PTPRQ: variants seen among roughly 807,000 people sequenced by gnomAD.
PTPRQ encodes the protein phosphatidylinositol phosphatase PTPRQ.
In PTPRQ, 199 loss-of-function variants were observed where a neutral mutation model predicts 246.0. That is an observed-to-expected ratio of 0.81 (90% CI 0.72 to 0.91). PTPRQ has a LOEUF of 0.91. Ranked by LOEUF, PTPRQ falls within the 40% of genes least tolerant of loss-of-function variation. The pLI, the probability that PTPRQ is intolerant of heterozygous loss-of-function variation, is 0.00. For synonymous variants in PTPRQ, 869 were observed against 853.2 expected (o/e 1.02, Z -0.32); for missense variants, 2,624 against 2,528.4 (o/e 1.04, Z -0.81).
Position 80,673,232 on chromosome 12 carries a change from C to G in PTPRQ, c.6666C>G (p.Asp2222Glu). ...ACCATTTAACACAACATATAAATGACCATGATTTTGTGGATATATATGGAC... is the reference window on the plus strand; with the variant it reads ...ACCATTTAACACAACATATAAATGAGCATGATTTTGTGGATATATATGGAC... ...ALDHLTQHIN[D>E]HDFVDIYGLV... Residue 2222 changes from aspartate (D) to glutamate (E), a missense_variant, in exon 43 of 45, where the codon GAC becomes GAG. Asp to Glu is a conservative substitution (Grantham distance 45, BLOSUM62 2). Transcript: ENST00000644991. 6.4e-7 allele frequency: 1 copy of G among 1,550,796 alleles called. No individual in the cohort carries two copies. Among genetic ancestry groups the G allele is most frequent in the East Asian group, 2.4e-5 (1 of 40,882 alleles).
intron 25 of PTPRQ, among the ~76,000 whole-genome samples, chr12:80,582,937 T>C (rs1177717383): frequency 6.6e-6 from 1 of 152,208 alleles, no homozygotes; most frequent in Non-Finnish European, 1.5e-5. Flanking sequence ...CTAAAAGTCA[T>C]ATATTTGGTT....
intron 18 of PTPRQ, among the ~76,000 whole-genome samples, chr12:80,534,651 C>T (rs893109734): frequency 5.3e-5 from 8 of 151,850 alleles, no homozygotes; most frequent in East Asian, 3.9e-4. Flanking sequence ...GGTTTTAGAA[C>T]GGAGATAGTA....
chr12:80,649,422 A>C (rs1900182858), intron 36 of PTPRQ, among the ~76,000 whole-genome samples, 166 bp from the exon 37 acceptor site: 1 of 152,176 alleles, frequency 6.6e-6, no homozygotes, highest in Admixed American at 6.6e-5. Flanking sequence ...TAAAGAAGAA[A>C]AGTTAATTTT....
intron 19 of PTPRQ, among the ~76,000 whole-genome samples, chr12:80,537,980 GC>G (rs1158871438): frequency 6.6e-6 from 1 of 152,022 alleles, no homozygotes; most frequent in Non-Finnish European, 1.5e-5. Flanking sequence ...ATGGTGGCAG[GC>G]TCCTGTAGTC....
intron 26 of PTPRQ, among the ~76,000 whole-genome samples, chr12:80,588,960 T>A (rs1020031882): frequency 6.6e-6 from 1 of 152,172 alleles, no homozygotes; most frequent in Non-Finnish European, 1.5e-5. Context: ...CAAAGAAATA[T>A]CAAGCATTCA....
Position 80,445,639 on chromosome 12 carries a change from T to C in PTPRQ, c.312T>C (p.Tyr104=), listed in dbSNP as rs2120384364. The C allele has an allele frequency of 1.3e-6, 2 of 1,550,214 alleles. No homozygotes were observed. Among genetic ancestry groups the C allele is most frequent in the Non-Finnish European group, 8.7e-7 (1 of 1,145,914 alleles). The change falls in exon 3 of 45, where the codon TAT becomes TAC. Residue 104 remains tyrosine (Y), a synonymous_variant. Transcript: ENST00000644991. ...KEVCPWMQTV[Y]TQVRSKPDSL... ...TTTGTCCGTGGATGCAAACAGTATA[T>C]ACACAAGTCAGATCAAAGCCAGACA...
At chr12:80,618,428 C>T (rs1898850550) in intron 30 of PTPRQ, among the ~76,000 whole-genome samples, 1 of 148,244 alleles carries the variant, frequency 6.7e-6, no homozygotes, top group African/African-American at 2.5e-5. Flanking sequence ...CCAAATGAAA[C>T]AAGCAGAGCT....
intron 35 of PTPRQ, among the ~76,000 whole-genome samples, chr12:80,646,106 C>T (rs1388506412): frequency 6.6e-6 from 1 of 151,974 alleles, no homozygotes; most frequent in Non-Finnish European, 1.5e-5. Flanking sequence ...AAATCCCTTC[C>T]TTATATCAGT....
rs1289924335 is a variant in PTPRQ, at chr12:80,541,551, A to G, written c.3155-4A>G. On this transcript the variant is annotated splice_region_variant and splice_polypyrimidine_tract_variant and intron_variant, in intron 20 of 44. Transcript: ENST00000644991. ...TTTTGTATTTTGCCCATTACCTATCATAGTACCTGAAGGGTTTGTTGGAAA... is the reference window on the plus strand; with the variant it reads ...TTTTGTATTTTGCCCATTACCTATCGTAGTACCTGAAGGGTTTGTTGGAAA... The G allele has an allele frequency of 1.3e-6, 2 of 1,491,098 alleles. No homozygotes were observed. Among genetic ancestry groups the G allele is most frequent in the East Asian group, 2.5e-5 (1 of 40,396 alleles). 92.4% of individuals were successfully genotyped at this position (1,491,098 alleles called of 1,614,324 possible).
At chr12:80,458,427 G>A (rs1196998346) in intron 4 of PTPRQ, among the ~76,000 whole-genome samples, 1 of 151,940 alleles carries the variant, frequency 6.6e-6, no homozygotes, top group Non-Finnish European at 1.5e-5. Context: ...ACTTTCTTAT[G>A]TAATTTATGT....
intron 14 of PTPRQ, among the ~76,000 whole-genome samples, chr12:80,504,779 T>C (rs1894903053): frequency 6.6e-6 from 1 of 151,918 alleles, no homozygotes; most frequent in Non-Finnish European, 1.5e-5. Context: ...TTAGTCAACA[T>C]ATGATCATAG....
At chr12:80,449,849 G>A (rs1448277990) in intron 3 of PTPRQ, among the ~76,000 whole-genome samples, 1 of 152,114 alleles carries the variant, frequency 6.6e-6, no homozygotes, top group East Asian at 1.9e-4. Context: ...GGATTGACTT[G>A]GCGATGTGGG....
intron 25 of PTPRQ, among the ~76,000 whole-genome samples, chr12:80,578,056 T>C (rs1344369987): frequency 1.3e-5 from 2 of 152,088 alleles, no homozygotes; most frequent in Non-Finnish European, 2.9e-5. Flanking sequence ...AATTTTTTTT[T>C]TTGGATTTTT....
chr12:80,445,439 G>A, intron 2 of PTPRQ, 52 bp from the exon 3 acceptor site: 1 of 1,152,230 alleles, frequency 8.7e-7, no homozygotes, highest in Non-Finnish European at 1.2e-6. Flanking sequence ...GTATTTTTGT[G>A]AAAATGCAAT....
chr12:80,533,588 C>T (rs1410308887), intron 17 of PTPRQ, among the ~76,000 whole-genome samples: 1 of 151,822 alleles, frequency 6.6e-6, no homozygotes, highest in East Asian at 1.9e-4. Flanking sequence ...GTAAATGTTA[C>T]TTTTGTACGA....
rs571275898 is a variant in PTPRQ, at chr12:80,646,753, GA to G, written c.5916-2134del. 9.0e-4 allele frequency among the ~76,000 whole-genome samples: 133 copies of G among 147,008 alleles called. 1 individual carries two copies. The South Asian group carries it at 0.016, about 17-fold the overall frequency. ...TAAATTTACGATGATGTATTTCTGC[GA>G]AAAAAAAAATCTTTAGGGAGAGATT... On this transcript the variant is annotated intron_variant, in intron 35 of 44. Coordinates refer to ENST00000644991, the MANE Select transcript of PTPRQ (RefSeq NM_001145026.2).
intron 19 of PTPRQ, among the ~76,000 whole-genome samples, chr12:80,537,180 G>GAAGTT (rs1421290386): frequency 6.6e-6 from 1 of 152,190 alleles, no homozygotes; most frequent in African/African-American, 2.4e-5. Context: ...CATATTGCTT[G>GAAGTT]AAGTTTATCC....
At chr12:80,542,585 A>G (rs1406662177) in intron 22 of PTPRQ, 145 bp from the exon 23 acceptor site, 1 of 1,157,502 alleles carries the variant, frequency 8.6e-7, no homozygotes, top group African/African-American at 1.6e-5. Flanking sequence ...ACAAATTATA[A>G]TTAATTATGA....
intron 8 of PTPRQ, among the ~76,000 whole-genome samples, chr12:80,477,377 G>A (rs1184224807): frequency 6.6e-6 from 1 of 151,958 alleles, no homozygotes; most frequent in African/African-American, 2.4e-5. Context: ...GATTTCAACT[G>A]GCATTAATTA....
Sources: gnomAD v4.1 joint callset for allele counts (sites outside exome capture counted in the v4.1 genomes callset) on GRCh38, gnomAD v4.1.1 for gene constraint, MANE v1.5 for transcripts, NCBI Gene and HGNC (gene_info 2026-07-23, HGNC 2026-07-21) for gene names.